CYRIA: variants seen among roughly 807,000 people sequenced by gnomAD.
The protein encoded by CYRIA is CYFIP-related Rac1 interactor A.
CYRIA carries 15 observed loss-of-function variants against 43.9 expected under a neutral mutation model. The ratio of observed to expected loss-of-function variants is 0.34; its 90% CI spans 0.23 to 0.53. CYRIA has a LOEUF of 0.53. Among genes scored for constraint, CYRIA ranks in the 20% least tolerant of loss-of-function variants. CYRIA has a pLI of 0.94. For missense variants in CYRIA, 236 were observed against 394.2 expected (o/e 0.60, Z 3.40); for synonymous variants, 117 against 136.0 (o/e 0.86, Z 0.97).
At chr2:16,646,423 G>A (rs989723572) in intron 1 of CYRIA, among the ~76,000 whole-genome samples, 1 of 152,202 alleles carries the variant, frequency 6.6e-6, no homozygotes, top group Non-Finnish European at 1.5e-5. Flanking sequence ...TTTGAAAATG[G>A]AGAGAACTTG....
intron 1 of CYRIA, among the ~76,000 whole-genome samples, chr2:16,655,566 C>T (rs2103553020): frequency 6.6e-6 from 1 of 152,316 alleles, no homozygotes; most frequent in Non-Finnish European, 1.5e-5. Flanking sequence ...AGTGTCTCAA[C>T]TCTGCTAAGC....
chr2:16,605,727 G>A (rs1668374624), intron 2 of CYRIA, among the ~76,000 whole-genome samples: 1 of 152,216 alleles, frequency 6.6e-6, no homozygotes, highest in Admixed American at 6.5e-5. Context: ...TTCTGATAGT[G>A]AATTCGCTTA....
intron 2 of CYRIA, among the ~76,000 whole-genome samples, chr2:16,591,608 T>C (rs76025921): frequency 6.6e-6 from 1 of 152,118 alleles, no homozygotes; most frequent in Non-Finnish European, 1.5e-5. Context: ...GGGTGTACTC[T>C]GAAGGGCTGG....
intron 1 of CYRIA, among the ~76,000 whole-genome samples, chr2:16,657,800 G>A (rs1423669170): frequency 6.6e-6 from 1 of 152,074 alleles, no homozygotes; most frequent in Non-Finnish European, 1.5e-5. Flanking sequence ...TGCCCAGCAG[G>A]GTCTGGGACA....
At chr2:16,632,784 G>C (rs75230816) in intron 1 of CYRIA, among the ~76,000 whole-genome samples, 1 of 152,066 alleles carries the variant, frequency 6.6e-6, no homozygotes, top group African/African-American at 2.4e-5. Context: ...CCCTGGCCTC[G>C]GCAGACAAAC....
At chr2:16,606,042 C>T (rs904906758) in intron 2 of CYRIA, among the ~76,000 whole-genome samples, 7 of 152,130 alleles carry the variant, frequency 4.6e-5, no homozygotes, top group African/African-American at 1.7e-4. Context: ...CCTTCTGACT[C>T]CAATTTCCAC....
chr2:16,590,084 A>G (rs1667870825), intron 2 of CYRIA, among the ~76,000 whole-genome samples: 2 of 152,032 alleles, frequency 1.3e-5, no homozygotes, highest in South Asian at 4.1e-4. Flanking sequence ...ACACACACAC[A>G]CACACACACA....
At chr2:16,574,768 T>C (rs1012314892) in intron 3 of CYRIA, among the ~76,000 whole-genome samples, 1 of 152,098 alleles carries the variant, frequency 6.6e-6, no homozygotes, top group African/African-American at 2.4e-5. Context: ...TCAGAAGATG[T>C]ATGAAAATGC....
chr2:16,612,869 C>A (rs1306818923), intron 2 of CYRIA, among the ~76,000 whole-genome samples: 1 of 152,120 alleles, frequency 6.6e-6, no homozygotes, highest in Non-Finnish European at 1.5e-5. Context: ...GTGGGAGGGA[C>A]CTGGTGGGAG....
At chr2:16,643,440 G>C (rs1449773829) in intron 1 of CYRIA, among the ~76,000 whole-genome samples, 1 of 152,206 alleles carries the variant, frequency 6.6e-6, no homozygotes, top group Non-Finnish European at 1.5e-5. Context: ...TGCCACTAGA[G>C]AAGCACTGCT....
intron 2 of CYRIA, among the ~76,000 whole-genome samples, chr2:16,605,381 C>G (rs190117440): frequency 1.1e-3 from 161 of 152,358 alleles, no homozygotes; most frequent in African/African-American, 3.8e-3. Context: ...TCAAACTGGG[C>G]TCAGCTCCGG....
At chr2:16,614,516 C>T (rs527985990) in intron 2 of CYRIA, among the ~76,000 whole-genome samples, 4 of 152,336 alleles carry the variant, frequency 2.6e-5, no homozygotes, top group Non-Finnish European at 5.9e-5. Context: ...CAGTCCTCTA[C>T]ATTCGAACGC....
chr2:16,628,949 T>A (rs1669242970), intron 1 of CYRIA, among the ~76,000 whole-genome samples: 1 of 152,202 alleles, frequency 6.6e-6, no homozygotes, highest in Non-Finnish European at 1.5e-5. Flanking sequence ...GTGTCACTAA[T>A]TCAAACAGTG....
In CYRIA at chr2:16,552,307, A is replaced by C. The variant is rs1000505120; in HGVS notation, c.*629T>G. On this transcript the variant is annotated 3_prime_UTR_variant, in exon 12 of 12. Transcript: ENST00000381323. ...TCCCACTAACTGAAAAAAATACAGG[A>C]GATTTTTTTTTCATGTGAAATTAAA... 3.8e-5 allele frequency: 5 copies of C among 130,724 alleles called. No individual in the cohort carries two copies. The highest frequency in any genetic ancestry group is 1.3e-4 in the African/African-American group (5 of 37,988). 8.1% of individuals were successfully genotyped at this position (130,724 alleles called of 1,614,324 possible).
intron 3 of CYRIA, among the ~76,000 whole-genome samples, chr2:16,574,629 A>T (rs1667261353): frequency 6.6e-6 from 1 of 152,234 alleles, no homozygotes; most frequent in Non-Finnish European, 1.5e-5. Context: ...GCTGTGACTA[A>T]AAGGTACCAA....
chr2:16,646,729 A>T (rs542856560), intron 1 of CYRIA, among the ~76,000 whole-genome samples: 55 of 152,326 alleles, frequency 3.6e-4, no homozygotes, highest in African/African-American at 1.3e-3. Flanking sequence ...TTAACATTTA[A>T]ATCAGTAGAA....
chr2:16,578,044 G>A (rs1667412836), intron 3 of CYRIA, among the ~76,000 whole-genome samples: 1 of 152,216 alleles, frequency 6.6e-6, no homozygotes, highest in African/African-American at 2.4e-5. Flanking sequence ...CAAGGAGGTT[G>A]AGAAACGCCA....
chr2:16,559,384 GC>G (rs1666645901), intron 10 of CYRIA, 75 bp downstream of exon 10: 28 of 1,519,790 alleles, frequency 1.8e-5, no homozygotes, highest in Non-Finnish European at 2.5e-5. Context: ...GTCCTGAGGT[GC>G]CTGAGGAAGA....
intron 1 of CYRIA, among the ~76,000 whole-genome samples, chr2:16,656,952 AG>A (rs1670131150): frequency 6.6e-6 from 1 of 152,184 alleles, no homozygotes; most frequent in South Asian, 2.1e-4. Context: ...AAGACCCGAG[AG>A]GGAACCCAGC....
Sources: allele counts gnomAD v4.1 joint callset (sites outside exome capture counted in the v4.1 genomes callset), GRCh38; gene constraint gnomAD v4.1.1; transcripts MANE v1.5; gene names NCBI Gene and HGNC (gene_info 2026-07-23, HGNC 2026-07-21).